Variants in ADARB2 observed in about 807,000 individuals in gnomAD.
The protein encoded by ADARB2 is inactive double-stranded RNA-specific editase B2.
In ADARB2, 25 loss-of-function variants were observed where a neutral mutation model predicts 62.2. The ratio of observed to expected loss-of-function variants is 0.40; its 90% confidence interval spans 0.29 to 0.56. The LOEUF (loss-of-function observed/expected upper bound fraction) is 0.56. Among genes scored for constraint, ADARB2 ranks in the 20% least tolerant of loss-of-function variants. ADARB2 has a pLI of 0.43. For synonymous variants in ADARB2, 572 were observed against 500.8 expected (o/e 1.14, Z -1.90); for missense variants, 1,071 against 1,077.4 (o/e 0.99, Z 0.08).
chr10:1,355,928 G>A (rs1172155994), intron 3 of ADARB2, among the ~76,000 whole-genome samples: 1 of 151,982 alleles, frequency 6.6e-6, no homozygotes, highest in Admixed American at 6.5e-5. Flanking sequence ...AGCATACATT[G>A]TATATACATT....
At chr10:1,473,811 C>T (rs1179337794) in intron 1 of ADARB2, among the ~76,000 whole-genome samples, 1 of 152,312 alleles carries the variant, frequency 6.6e-6, no homozygotes, top group East Asian at 1.9e-4. Context: ...GGTTTTTGGG[C>T]AATTTGGGTG....
chr10:1,573,506 C>T (rs1832967998), intron 1 of ADARB2, among the ~76,000 whole-genome samples: 1 of 152,174 alleles, frequency 6.6e-6, no homozygotes, highest in Admixed American at 6.5e-5. Flanking sequence ...GCCTCCAACA[C>T]CCCACCCTCA....
At chr10:1,411,684 G>C (rs113873362) in intron 1 of ADARB2, among the ~76,000 whole-genome samples, 1 of 152,128 alleles carries the variant, frequency 6.6e-6, no homozygotes, top group Admixed American at 6.5e-5. Context: ...CAGTGTGTCG[G>C]GTGTGAGCTC....
rs1208497370 is a variant in ADARB2 at position 1,555,588 on chromosome 10, T to C, written c.101-176428A>G. On this transcript the variant is annotated intron_variant, in intron 1 of 9. Transcript: ENST00000381312. Reference sequence around the variant, plus strand: ...ATGGACCGGGGCTTCATTAAGAAACTGTGTCCCTGTGTCAGGTATGCGAGA... The same window carrying C: ...ATGGACCGGGGCTTCATTAAGAAACCGTGTCCCTGTGTCAGGTATGCGAGA... Among the ~76,000 whole-genome samples the C allele has an allele frequency of 2.0e-5, 3 of 152,208 alleles. No individual in the cohort carries two copies. In the East Asian group the frequency reaches 5.8e-4, roughly 29 times the overall value.
At chr10:1,530,112 C>T (rs1031072542) in intron 1 of ADARB2, among the ~76,000 whole-genome samples, 4 of 152,336 alleles carry the variant, frequency 2.6e-5, no homozygotes, top group African/African-American at 9.6e-5. Context: ...AATGCGGGCA[C>T]CCACCCACTG....
intron 3 of ADARB2, among the ~76,000 whole-genome samples, chr10:1,326,855 CACTGCCCA>C (rs1831857594): frequency 2.0e-5 from 1 of 51,132 alleles, no homozygotes; most frequent in Non-Finnish European, 4.5e-5. Flanking sequence ...AGCGCCTCCC[CACTGCCCA>C]GCGCCTCCCC....
At chr10:1,361,118 G>C (rs1293396394) in intron 3 of ADARB2, 1 of 152,204 alleles carries the variant, frequency 6.6e-6, no homozygotes, top group East Asian at 1.9e-4. Flanking sequence ...GGTGGCAGGA[G>C]ACCCGAGCCT....
chr10:1,669,573 CACACAGACTCACTCACAA>C (rs563430038), intron 1 of ADARB2, among the ~76,000 whole-genome samples: 1 of 151,730 alleles, frequency 6.6e-6, no homozygotes, highest in East Asian at 1.9e-4. Flanking sequence ...CAGACACAAA[CACACAGACTCACTCACAA>C]ACACAGACAC....
chr10:1,523,814 T>C (rs917515097), intron 1 of ADARB2, among the ~76,000 whole-genome samples: 6 of 152,234 alleles, frequency 3.9e-5, no homozygotes, highest in African/African-American at 1.4e-4. Flanking sequence ...TTTTCTAATC[T>C]GTCATCCTTT....
intron 4 of ADARB2, among the ~76,000 whole-genome samples, chr10:1,269,557 C>T (rs1354680249): frequency 1.3e-5 from 2 of 152,216 alleles, no homozygotes; most frequent in Admixed American, 1.3e-4. Context: ...CTGTTATCCC[C>T]ATTTTAAAGG....
At chr10:1,600,055 T>C (rs1309264264) in intron 1 of ADARB2, among the ~76,000 whole-genome samples, 1 of 152,096 alleles carries the variant, frequency 6.6e-6, no homozygotes, top group Non-Finnish European at 1.5e-5. Context: ...TGTGAAATAA[T>C]TTGATGACAA....
intron 1 of ADARB2, among the ~76,000 whole-genome samples, chr10:1,419,569 G>A (rs1277894375): frequency 3.3e-5 from 5 of 152,198 alleles, no homozygotes; most frequent in South Asian, 2.1e-4. Flanking sequence ...GGGCGGAACC[G>A]GTACCCAGAG....
At chr10:1,516,800 G>C (rs1027959315) in intron 1 of ADARB2, among the ~76,000 whole-genome samples, 9 of 152,216 alleles carry the variant, frequency 5.9e-5, no homozygotes, top group African/African-American at 2.2e-4. Flanking sequence ...GACACAAAAA[G>C]GTTGCAAATG....
intron 1 of ADARB2, among the ~76,000 whole-genome samples, chr10:1,718,482 T>C (rs1042343591): frequency 6.6e-6 from 1 of 152,176 alleles, no homozygotes; most frequent in Non-Finnish European, 1.5e-5. Context: ...ACCCTTGCCC[T>C]TTTGTGTGTG....
intron 1 of ADARB2, among the ~76,000 whole-genome samples, chr10:1,590,755 G>A (rs1182410460): frequency 6.6e-6 from 1 of 152,232 alleles, no homozygotes; most frequent in Non-Finnish European, 1.5e-5. Flanking sequence ...GAGTCGTGCA[G>A]GGGGTTGCTG....
intron 1 of ADARB2, among the ~76,000 whole-genome samples, chr10:1,513,628 C>T (rs1564313754): frequency 6.6e-6 from 1 of 152,172 alleles, no homozygotes; most frequent in Non-Finnish European, 1.5e-5. Flanking sequence ...CAGGGCAGCC[C>T]TGAGGAGAGG....
intron 1 of ADARB2, among the ~76,000 whole-genome samples, chr10:1,554,475 C>T (rs180929831): frequency 8.5e-4 from 129 of 152,258 alleles, no homozygotes; most frequent in South Asian, 2.7e-3. Flanking sequence ...ACCTCTGCCC[C>T]GGTCTCCACT....
chr10:1,723,270 C>T (rs1835119367), intron 1 of ADARB2, among the ~76,000 whole-genome samples: 1 of 152,198 alleles, frequency 6.6e-6, no homozygotes, highest in Non-Finnish European at 1.5e-5. Flanking sequence ...TCTACATTGC[C>T]CAGAGAACAT....
At chr10:1,497,231 A>G (rs886915915) in intron 1 of ADARB2, among the ~76,000 whole-genome samples, 5 of 152,262 alleles carry the variant, frequency 3.3e-5, no homozygotes, top group African/African-American at 1.2e-4. Context: ...GCTTATGAAG[A>G]TTAAGTAATG....
Sources: allele counts gnomAD v4.1 joint callset (sites outside exome capture counted in the v4.1 genomes callset), GRCh38; gene constraint gnomAD v4.1.1; transcripts MANE v1.5; gene names NCBI Gene and HGNC (gene_info 2026-07-23, HGNC 2026-07-21).